Variants in NRG3 observed in about 807,000 individuals in gnomAD.
NRG3 encodes the protein pro-neuregulin-3, membrane-bound isoform.
NRG3 carries 31 observed loss-of-function variants against 66.9 expected under a neutral mutation model. That is an observed-to-expected ratio of 0.46 (90% CI 0.35 to 0.63). NRG3 has a LOEUF of 0.63. NRG3 is among the 20% of genes least tolerant of loss of function. NRG3 has a pLI of 0.00. For missense variants in NRG3, 910 were observed against 878.9 expected (o/e 1.04, Z -0.45); for synonymous variants, 393 against 359.4 (o/e 1.09, Z -1.06).
intron 1 of NRG3, among the ~76,000 whole-genome samples, chr10:82,292,516 A>T (rs2079808050): frequency 1.3e-5 from 2 of 152,214 alleles, no homozygotes; most frequent in Admixed American, 1.3e-4. Flanking sequence ...AAGAATATTC[A>T]CATAGAAACC....
At chr10:81,890,836 G>A (rs1271121760) in intron 1 of NRG3, among the ~76,000 whole-genome samples, 2 of 152,298 alleles carry the variant, frequency 1.3e-5, no homozygotes, top group East Asian at 3.9e-4. Context: ...AAGCCATTGA[G>A]CAGAGTGATC....
chr10:82,132,385 C>G (rs1230923588), intron 1 of NRG3, among the ~76,000 whole-genome samples: 2 of 144,884 alleles, frequency 1.4e-5, no homozygotes, highest in Admixed American at 7.2e-5. Context: ...TGGAATAAAT[C>G]CCAAGTGGTC....
At chr10:82,919,457 A>C (rs1178636426) in intron 4 of NRG3, among the ~76,000 whole-genome samples, 1 of 152,214 alleles carries the variant, frequency 6.6e-6, no homozygotes, top group Admixed American at 6.5e-5. Flanking sequence ...CTCTGAACAC[A>C]TGGGAGTGAT....
At chr10:82,822,385 G>A (rs1011369421) in intron 3 of NRG3, among the ~76,000 whole-genome samples, 7 of 152,076 alleles carry the variant, frequency 4.6e-5, no homozygotes, top group Non-Finnish European at 8.8e-5. Context: ...CAGCAGCCCA[G>A]CAGGGAGAGA....
At chr10:82,852,328 C>T (rs1001361871) in intron 3 of NRG3, among the ~76,000 whole-genome samples, 22 of 151,998 alleles carry the variant, frequency 1.4e-4, no homozygotes, top group Admixed American at 6.6e-5. Context: ...AACAGTAGGA[C>T]AAATACCTAA....
intron 2 of NRG3, among the ~76,000 whole-genome samples, chr10:82,408,340 G>T (rs571793217): frequency 3.9e-5 from 6 of 152,012 alleles, no homozygotes; most frequent in Non-Finnish European, 2.9e-5. Flanking sequence ...CTGTGCAAAG[G>T]CTCTGAGATG....
intron 2 of NRG3, among the ~76,000 whole-genome samples, chr10:82,362,567 T>TTTTTTTTTTTTTTTTTTTTTTG (rs1273821084): frequency 1.3e-5 from 2 of 148,330 alleles, no homozygotes; most frequent in Non-Finnish European, 3.0e-5. Flanking sequence ...TTTTTTTTTT[T>TTTTTTTTTTTTTTTTTTTTTTG]TTCGTAGAAA....
At chr10:82,837,862 C>G (rs966738894) in intron 3 of NRG3, among the ~76,000 whole-genome samples, 1 of 152,110 alleles carries the variant, frequency 6.6e-6, no homozygotes, top group Non-Finnish European at 1.5e-5. Flanking sequence ...TCAAAGAAAA[C>G]ACAGCTCCTA....
intron 2 of NRG3, among the ~76,000 whole-genome samples, chr10:82,498,718 T>C (rs1164046368): frequency 2.0e-5 from 3 of 152,074 alleles, no homozygotes; most frequent in Non-Finnish European, 4.4e-5. Flanking sequence ...TAAGCTTTAG[T>C]TGTCGATGAA....
chr10:82,910,731 C>T (rs1165032742), intron 4 of NRG3, among the ~76,000 whole-genome samples: 1 of 152,176 alleles, frequency 6.6e-6, no homozygotes, highest in Non-Finnish European at 1.5e-5. Flanking sequence ...TTAATTTGGC[C>T]ATGTGACCAG....
intron 4 of NRG3, among the ~76,000 whole-genome samples, chr10:82,934,011 AAGTGTGTGCTCGG>A (rs1194752821): frequency 6.6e-6 from 1 of 152,138 alleles, no homozygotes; most frequent in Non-Finnish European, 1.5e-5. Context: ...TTTATTTGAA[AAGTGTGTGCTCGG>A]GCAATTTATT....
chr10:82,232,375 AC>A, intron 1 of NRG3: 1 of 165,486 alleles, frequency 6.0e-6, no homozygotes, highest in East Asian at 1.7e-4. Flanking sequence ...GATATGGATC[AC>A]AAGTTTTCTG....
chr10:82,650,070 G>A (rs535129622), intron 2 of NRG3, among the ~76,000 whole-genome samples: 1 of 152,262 alleles, frequency 6.6e-6, no homozygotes, highest in South Asian at 2.1e-4. Flanking sequence ...CAAGCATGGG[G>A]CCAGGTGGTA....
intron 1 of NRG3, among the ~76,000 whole-genome samples, chr10:82,060,259 A>G (rs958906166): frequency 6.6e-6 from 1 of 152,244 alleles, no homozygotes; most frequent in Non-Finnish European, 1.5e-5. Flanking sequence ...AATAAGGACA[A>G]GCACAATGTA....
At chr10:81,903,140 C>T (rs910035241) in intron 1 of NRG3, among the ~76,000 whole-genome samples, 1 of 152,152 alleles carries the variant, frequency 6.6e-6, no homozygotes, top group Admixed American at 6.5e-5. Flanking sequence ...GAACTCTTCA[C>T]TTATACTCTA....
At chr10:82,619,249 G>A (rs1293002766) in intron 2 of NRG3, among the ~76,000 whole-genome samples, 4 of 152,130 alleles carry the variant, frequency 2.6e-5, no homozygotes, top group African/African-American at 9.7e-5. Flanking sequence ...TCTCTAGAAA[G>A]CTTGAAATCT....
intron 3 of NRG3, among the ~76,000 whole-genome samples, chr10:82,794,340 G>A (rs1330139598): frequency 6.6e-6 from 1 of 152,150 alleles, no homozygotes; most frequent in Non-Finnish European, 1.5e-5. Flanking sequence ...TGTCTGGTAT[G>A]AGATGCAATC....
intron 2 of NRG3, among the ~76,000 whole-genome samples, chr10:82,557,706 A>G (rs2132967885): frequency 6.6e-6 from 1 of 152,266 alleles, no homozygotes; most frequent in African/African-American, 2.4e-5. Context: ...GACTGAGACA[A>G]TAATAACAGT....
intron 1 of NRG3, among the ~76,000 whole-genome samples, chr10:82,317,048 C>A (rs1204764796): frequency 3.9e-5 from 6 of 152,102 alleles, no homozygotes; most frequent in Non-Finnish European, 7.3e-5. Flanking sequence ...TGCCAGCTCC[C>A]AAAATTGGAA....
Sources: allele counts gnomAD v4.1 joint callset (sites outside exome capture counted in the v4.1 genomes callset), GRCh38; gene constraint gnomAD v4.1.1; transcripts MANE v1.5; gene names NCBI Gene and HGNC (gene_info 2026-07-23, HGNC 2026-07-21).